NBAS: variants seen among roughly 807,000 people sequenced by gnomAD.
NBAS encodes NBAS subunit of NRZ tethering complex, also known as NAG/BC035112 fusion.
A neutral mutation model predicts 302.5 loss-of-function variants in NBAS; 219 were observed. The observed-to-expected ratio is 0.72, with a 90% CI of 0.65 to 0.81. NBAS has a LOEUF of 0.81. Ranked by LOEUF, NBAS falls within the 30% of genes least tolerant of loss-of-function variation. The pLI, the probability that NBAS is intolerant of heterozygous loss-of-function variation, is 0.00. For missense variants in NBAS, 2,932 were observed against 2,841.6 expected, an observed-to-expected ratio of 1.03 and a Z score of -0.72; for synonymous variants, 1,118 against 1,021.6, an observed-to-expected ratio of 1.09 and a Z score of -1.80.
At chr2:14,813,501 A>C in the NBAS span, among the ~76,000 whole-genome samples, 7 of 152,202 alleles carry the variant, frequency 4.6e-5, no homozygotes. Context: ...GTGGAACTTT[A>C]AACTTGAGAG....
At chr2:15,273,163 G>T (rs1192891732) in intron 44 of NBAS, among the ~76,000 whole-genome samples, 1 of 152,124 alleles carries the variant, frequency 6.6e-6, no homozygotes, top group Non-Finnish European at 1.5e-5. Flanking sequence ...AAAACTGCCT[G>T]GGAGCAAAGT....
At chr2:15,447,280 CTT>C (rs983525491) in intron 21 of NBAS, among the ~76,000 whole-genome samples, 2 of 152,160 alleles carry the variant, frequency 1.3e-5, no homozygotes, top group Admixed American at 6.5e-5. Flanking sequence ...ATAAATAACA[CTT>C]TAAATTGTTT....
intron 12 of NBAS, among the ~76,000 whole-genome samples, chr2:15,482,500 T>C (rs1476548170): frequency 6.6e-6 from 1 of 152,088 alleles, no homozygotes. Flanking sequence ...TAACCTGTCT[T>C]TTGTTATAGG....
chr2:14,997,281 T>C, the NBAS span, among the ~76,000 whole-genome samples: 53,485 of 151,928 alleles, frequency 0.35, 10,189 homozygotes, highest in Non-Finnish European at 0.43. Flanking sequence ...AGTTTACTTA[T>C]GTAAAAAACC....
At chr2:14,833,848 A>G in the NBAS span, among the ~76,000 whole-genome samples, 1 of 152,060 alleles carries the variant, frequency 6.6e-6, no homozygotes, top group Non-Finnish European at 1.5e-5. Flanking sequence ...ATTTTTTCTA[A>G]ATCACTTGTT....
At chr2:14,813,979 G>C in the NBAS span, among the ~76,000 whole-genome samples, 1 of 152,192 alleles carries the variant, frequency 6.6e-6, no homozygotes, top group African/African-American at 2.4e-5. Flanking sequence ...AGCTCTTCTA[G>C]TCATAGCTAA....
At chr2:15,017,507 C>T in the NBAS span, among the ~76,000 whole-genome samples, 5 of 126,936 alleles carry the variant, frequency 3.9e-5, no homozygotes, top group Non-Finnish European at 8.2e-5. Context: ...ATGATCTGAA[C>T]AGGTGTTGCT....
intron 29 of NBAS, among the ~76,000 whole-genome samples, chr2:15,381,354 G>A (rs1307297707): frequency 1.3e-5 from 2 of 152,040 alleles, no homozygotes; most frequent in Non-Finnish European, 2.9e-5. Context: ...TAAATTTTAA[G>A]TTTGTCAAAT....
At chr2:15,162,301 A>G (rs1663918201), downstream of NBAS, among the ~76,000 whole-genome samples, 2 of 152,102 alleles carry the variant, frequency 1.3e-5, no homozygotes, top group South Asian at 2.1e-4. Flanking sequence ...CCCTTTCACT[A>G]GTGAAGCATC....
At chr2:14,920,112 A>T in the NBAS span, among the ~76,000 whole-genome samples, 2 of 152,220 alleles carry the variant, frequency 1.3e-5, no homozygotes, top group African/African-American at 4.8e-5. Context: ...TGAAAGTCAA[A>T]ATTATTCCTT....
At chr2:15,520,065 C>T (rs1362187385) in intron 9 of NBAS, among the ~76,000 whole-genome samples, 1 of 152,048 alleles carries the variant, frequency 6.6e-6, no homozygotes, top group Non-Finnish European at 1.5e-5. Context: ...GAGTGGTACT[C>T]GGCTATAATT....
At chr2:15,106,117 C>T in the NBAS span, among the ~76,000 whole-genome samples, 1 of 152,144 alleles carries the variant, frequency 6.6e-6, no homozygotes, top group East Asian at 1.9e-4. Flanking sequence ...AATATTAACA[C>T]TGCAAGCTCT....
chr2:14,874,355 G>C, the NBAS span, among the ~76,000 whole-genome samples: 1 of 151,900 alleles, frequency 6.6e-6, no homozygotes, highest in Non-Finnish European at 1.5e-5. Flanking sequence ...GGCTGGGCAC[G>C]GTGGCTCACG....
the NBAS span, among the ~76,000 whole-genome samples, chr2:14,969,899 T>C: frequency 2.0e-5 from 3 of 152,102 alleles, no homozygotes; most frequent in African/African-American, 4.8e-5. Flanking sequence ...GCTGAGACTA[T>C]AAAGACATCA....
chr2:15,364,492 T>C (rs1033393237), intron 32 of NBAS, among the ~76,000 whole-genome samples: 4 of 151,900 alleles, frequency 2.6e-5, no homozygotes, highest in African/African-American at 4.8e-5. Flanking sequence ...GATGGCGCCA[T>C]TGCACTCCAG....
At chr2:14,965,675 T>C in the NBAS span, among the ~76,000 whole-genome samples, 2 of 152,156 alleles carry the variant, frequency 1.3e-5, no homozygotes, top group African/African-American at 4.8e-5. Flanking sequence ...ATTCATTCTG[T>C]GAGTCTAGCA....
chr2:15,279,479 G>C (rs548552229), intron 42 of NBAS, among the ~76,000 whole-genome samples: 9 of 152,264 alleles, frequency 5.9e-5, no homozygotes, highest in African/African-American at 2.2e-4. Flanking sequence ...GAGTTCTCCT[G>C]TCATACTTCA....
At chr2:14,996,047 C>T in the NBAS span, among the ~76,000 whole-genome samples, 1,529 of 152,136 alleles carry the variant, frequency 0.01, 29 homozygotes, top group African/African-American at 0.035. Flanking sequence ...GAGTTGGTGA[C>T]GTCCCTGTTG....
At chr2:15,329,474 C>G (rs1296719699) in intron 36 of NBAS, among the ~76,000 whole-genome samples, 2 of 152,220 alleles carry the variant, frequency 1.3e-5, no homozygotes, top group Non-Finnish European at 2.9e-5. Flanking sequence ...CTCTTTTCTT[C>G]TCTTTCTACA....
Sources: gnomAD v4.1 joint callset for allele counts (sites outside exome capture counted in the v4.1 genomes callset) on GRCh38, gnomAD v4.1.1 for gene constraint, MANE v1.5 for transcripts, NCBI Gene and HGNC (gene_info 2026-07-23, HGNC 2026-07-21) for gene names.